Variants in CCDC178 observed in about 807,000 individuals in gnomAD.
CCDC178 encodes the protein coiled-coil domain-containing protein 178.
Under a neutral mutation model 117.4 loss-of-function variants are expected in CCDC178, and 126 were observed. The ratio of observed to expected loss-of-function variants is 1.07; its 90% CI spans 0.93 to 1.24. CCDC178 has a LOEUF of 1.24. CCDC178 is among the 50% of genes most tolerant of loss of function. CCDC178 has a pLI of 0.00. For missense variants in CCDC178, 1,030 were observed against 986.9 expected, an observed-to-expected ratio of 1.04 and a Z score of -0.59; for synonymous variants, 283 against 313.4, an observed-to-expected ratio of 0.90 and a Z score of 1.02.
At chr18:33,421,867 C>T (rs935855519) in intron 2 of CCDC178, among the ~76,000 whole-genome samples, 1 of 152,174 alleles carries the variant, frequency 6.6e-6, no homozygotes, top group Admixed American at 6.6e-5. Flanking sequence ...AAAAAGTTTA[C>T]ACATCAATTG....
intron 12 of CCDC178, among the ~76,000 whole-genome samples, chr18:33,276,537 C>T (rs997155465): frequency 2.6e-5 from 4 of 151,904 alleles, no homozygotes; most frequent in African/African-American, 9.7e-5. Flanking sequence ...GAACAAGAAT[C>T]CAGAAAAATA....
chr18:33,358,824 G>A (rs2063091594), intron 6 of CCDC178, among the ~76,000 whole-genome samples: 1 of 151,630 alleles, frequency 6.6e-6, no homozygotes, highest in Admixed American at 6.6e-5. Context: ...CTGAGAGAAA[G>A]TGTTTACAAC....
chr18:33,017,128 A>C (rs770541412), intron 21 of CCDC178, among the ~76,000 whole-genome samples: 1 of 151,934 alleles, frequency 6.6e-6, no homozygotes, highest in Non-Finnish European at 1.5e-5. Flanking sequence ...AAAGAAATAA[A>C]AGTCATTCAG....
intron 9 of CCDC178, among the ~76,000 whole-genome samples, chr18:33,336,415 G>A (rs1447635434): frequency 1.3e-5 from 2 of 152,042 alleles, no homozygotes; most frequent in Admixed American, 1.3e-4. Flanking sequence ...TTTACTTCCA[G>A]AAATTTCCAT....
intron 14 of CCDC178, among the ~76,000 whole-genome samples, chr18:33,246,003 C>A (rs776907568): frequency 1.1e-4 from 16 of 151,890 alleles, no homozygotes; most frequent in East Asian, 9.7e-4. Flanking sequence ...CCTAAAGGTA[C>A]AAAATTATCC....
chr18:33,030,110 C>CT (rs2056306598), intron 21 of CCDC178, among the ~76,000 whole-genome samples: 2 of 152,022 alleles, frequency 1.3e-5, no homozygotes, highest in Admixed American at 1.3e-4. Flanking sequence ...CTATTTCTCT[C>CT]TTCAAGTCTG....
At chr18:33,380,644 T>G (rs1272728439) in intron 5 of CCDC178, among the ~76,000 whole-genome samples, 1 of 152,212 alleles carries the variant, frequency 6.6e-6, no homozygotes, top group Non-Finnish European at 1.5e-5. Context: ...TCACTCACTT[T>G]TAACACCCAG....
chr18:33,047,814 G>T (rs748969167), intron 21 of CCDC178, among the ~76,000 whole-genome samples: 1 of 152,008 alleles, frequency 6.6e-6, no homozygotes, highest in Non-Finnish European at 1.5e-5. Context: ...GTTCTAAGTC[G>T]AGTGATTTGT....
At chr18:33,181,695 T>C (rs1194756631) in intron 20 of CCDC178, among the ~76,000 whole-genome samples, 2 of 151,896 alleles carry the variant, frequency 1.3e-5, no homozygotes, top group African/African-American at 4.8e-5. Flanking sequence ...TAATAGAGGT[T>C]ATAACAGTGC....
rs2062609334 is a variant in CCDC178, at chr18:33,328,082, G to GTTTT, written c.880-4450_880-4449insAAAA. ...CCAAGGTCATAAAGATTTATCCCTA[G>GTTTT]ATTTTTTTTTTTTTTTTTTTTTTTT... On this transcript the variant is annotated intron_variant, in intron 10 of 22. Coordinates refer to ENST00000383096, the MANE Select transcript of CCDC178 (RefSeq NM_001105528.4). 3.2e-4 allele frequency: 79 copies of GTTTT among 249,130 alleles called. 18 individuals carry two copies. Among genetic ancestry groups the GTTTT allele is most frequent in the African/African-American group, 2.5e-3 (75 of 30,470 alleles). 15.4% of individuals were successfully genotyped at this position (249,130 alleles called of 1,614,324 possible).
intron 5 of CCDC178, among the ~76,000 whole-genome samples, chr18:33,376,424 T>C (rs1599240861): frequency 6.6e-6 from 1 of 152,186 alleles, no homozygotes; most frequent in Non-Finnish European, 1.5e-5. Context: ...CCAATCTGTT[T>C]GGATTCTTGT....
At chr18:33,219,197 A>G (rs1251263338) in intron 18 of CCDC178, among the ~76,000 whole-genome samples, 2 of 152,124 alleles carry the variant, frequency 1.3e-5, no homozygotes. Context: ...ACTGGACATC[A>G]GAGAAATGCA....
At chr18:33,119,562 T>A (rs566184302) in intron 20 of CCDC178, among the ~76,000 whole-genome samples, 14 of 152,114 alleles carry the variant, frequency 9.2e-5, no homozygotes, top group African/African-American at 3.1e-4. Flanking sequence ...TGTGGAGAAA[T>A]AGGAACACTT....
intron 20 of CCDC178, among the ~76,000 whole-genome samples, chr18:33,138,994 T>G (rs532211995): frequency 1.3e-5 from 2 of 152,300 alleles, no homozygotes; most frequent in South Asian, 4.1e-4. Flanking sequence ...ACTCCCACAA[T>G]TCCCACGTGT....
chr18:32,987,707 G>T (rs920256264), intron 21 of CCDC178, among the ~76,000 whole-genome samples: 1 of 152,124 alleles, frequency 6.6e-6, no homozygotes, highest in African/African-American at 2.4e-5. Flanking sequence ...TATAAACCAT[G>T]TTCCTGACAA....
At chr18:32,949,395 T>C (rs1333895083) in intron 22 of CCDC178, among the ~76,000 whole-genome samples, 1 of 152,152 alleles carries the variant, frequency 6.6e-6, no homozygotes, top group Admixed American at 6.5e-5. Context: ...GGTTGACTGA[T>C]GACATCTTAC....
In CCDC178 at chr18:33,126,234, G is replaced by GTA. The variant is rs201593660; in HGVS notation, c.2239-33326_2239-33325dup. Among the ~76,000 whole-genome samples, 125 of 150,986 alleles carry GTA rather than the reference G, an allele frequency of 8.3e-4. 1 individual carries two copies. In the East Asian group the frequency reaches 0.014, roughly 17 times the overall value. ...AGGAAATCAGAATATTTATATATAC[G>GTA]TATATATATAGTATGTAGAATATGT... is the stretch of plus-strand genomic sequence containing the variant. On this transcript the variant is annotated intron_variant, in intron 20 of 22. Transcript: ENST00000383096.
chr18:33,148,458 G>C (rs1016212756), intron 20 of CCDC178, among the ~76,000 whole-genome samples: 1 of 151,490 alleles, frequency 6.6e-6, no homozygotes, highest in Non-Finnish European at 1.5e-5. Flanking sequence ...AGAGGGAGAG[G>C]GAGACCGTGG....
intron 20 of CCDC178, among the ~76,000 whole-genome samples, chr18:33,098,209 A>G (rs1341188416): frequency 6.6e-6 from 1 of 152,114 alleles, no homozygotes; most frequent in Non-Finnish European, 1.5e-5. Context: ...TATTTGCACT[A>G]TACATTTAAG....
Sources: gnomAD v4.1 joint callset for allele counts (sites outside exome capture counted in the v4.1 genomes callset) on GRCh38, gnomAD v4.1.1 for gene constraint, MANE v1.5 for transcripts, NCBI Gene and HGNC (gene_info 2026-07-23, HGNC 2026-07-21) for gene names.